Variants in MYO9A observed in about 807,000 individuals in gnomAD.
MYO9A encodes the protein myosin IXA, also known as unconventional myosin-IXa.
A neutral mutation model predicts 293.3 loss-of-function variants in MYO9A; 103 were observed. That is an observed-to-expected ratio of 0.35 (90% CI 0.30 to 0.41). MYO9A has a LOEUF of 0.41. MYO9A is among the 10% of genes least tolerant of loss of function. The pLI is 1.00. For synonymous variants in MYO9A, 1,001 were observed against 1,035.7 expected (o/e 0.97, Z 0.64); for missense variants, 2,685 against 3,033.0 (o/e 0.89, Z 2.69).
intron 39 of MYO9A, among the ~76,000 whole-genome samples, chr15:71,839,933 G>T (rs893649522): frequency 2.6e-5 from 4 of 152,076 alleles, no homozygotes; most frequent in Admixed American, 1.3e-4. Flanking sequence ...GACCTCATTT[G>T]TAAGTAGTTA....
intron 2 of MYO9A, among the ~76,000 whole-genome samples, chr15:72,034,373 A>G (rs1241184347): frequency 6.6e-6 from 1 of 152,196 alleles, no homozygotes; most frequent in African/African-American, 2.4e-5. Flanking sequence ...GAGAAATTAC[A>G]TTTTACTATG....
At chr15:71,916,251 T>C (rs2058009092) in intron 19 of MYO9A, 119 bp downstream of exon 19, 1 of 1,254,262 alleles carries the variant, frequency 8.0e-7, no homozygotes, top group Non-Finnish European at 1.1e-6. Context: ...CAGTAATATA[T>C]GGCTTTTTAG....
chr15:71,913,053 T>C (rs2057908208), intron 19 of MYO9A, among the ~76,000 whole-genome samples: 1 of 152,142 alleles, frequency 6.6e-6, no homozygotes, highest in South Asian at 2.1e-4. Context: ...TTGCTCATTA[T>C]TTCTTCAAAT....
rs540344768 is a variant in MYO9A, at chr15:71,875,952, T to G, written c.5932-114A>C. ...CAACAGGTAACACAATAGTCATTTC[T>G]TTATTCTCCAAGAGGAACTGTGCAG... is the stretch of plus-strand genomic sequence containing the variant. On this transcript the variant is annotated intron_variant, in intron 31 of 41. Coordinates refer to ENST00000356056, the MANE Select transcript of MYO9A (RefSeq NM_006901.4). 10 of 528,004 alleles carry G rather than the reference T, an allele frequency of 1.9e-5. No homozygotes were observed. The Admixed American group carries it at 4.4e-4, about 23-fold the overall frequency. 32.7% of individuals were successfully genotyped at this position (528,004 alleles called of 1,614,324 possible). A position where few individuals can be genotyped will look rare whatever the true frequency, so the allele number is the denominator to read the frequency against.
chr15:72,000,913 G>A (rs1466018098), intron 8 of MYO9A, among the ~76,000 whole-genome samples: 1 of 152,162 alleles, frequency 6.6e-6, no homozygotes, highest in Non-Finnish European at 1.5e-5. Context: ...TTACAATTTT[G>A]TATGATTAGA....
At chr15:72,003,010 C>G (rs1302596938) in intron 8 of MYO9A, among the ~76,000 whole-genome samples, 1 of 152,194 alleles carries the variant, frequency 6.6e-6, no homozygotes, top group Non-Finnish European at 1.5e-5. Context: ...TGGCTCATGC[C>G]TGTAATCCCA....
intron 13 of MYO9A, among the ~76,000 whole-genome samples, chr15:71,962,714 A>C (rs2075775041): frequency 6.6e-6 from 1 of 152,216 alleles, no homozygotes; most frequent in African/African-American, 2.4e-5. Context: ...AAGGTAAAGC[A>C]GCTTGCCAAA....
At chr15:71,906,758 C>CTTTTTTTTTTTTTTCTTTTCTTTTT (rs2057659301) in intron 19 of MYO9A, among the ~76,000 whole-genome samples, 5 of 61,012 alleles carry the variant, frequency 8.2e-5, no homozygotes, top group African/African-American at 2.5e-4. Context: ...CCATTTCTTT[C>CTTTTTTTTTTTTTTCTTTTCTTTTT]TTTTTTTTTT....
At chr15:71,917,344 G>A (rs768587454) in intron 18 of MYO9A, among the ~76,000 whole-genome samples, 1 of 152,040 alleles carries the variant, frequency 6.6e-6, no homozygotes, top group Non-Finnish European at 1.5e-5. Flanking sequence ...ACATCAGCCT[G>A]GCTAACACAG....
chr15:72,117,730 C>G lies in MYO9A; in HGVS notation c.-122G>C. 1 of 397,578 alleles carries G rather than the reference C, an allele frequency of 2.5e-6. No individual in the cohort carries two copies. The highest frequency in any genetic ancestry group is 4.4e-6 in the Non-Finnish European group (1 of 225,166). The allele number at this position is 397,578 out of a possible 1,614,324, so 24.6% of individuals were successfully genotyped here. A position where few individuals can be genotyped will look rare whatever the true frequency, so the allele number is the denominator to read the frequency against. ...GCAGCCCCCTCCTCTTCGACGGAAG[C>G]TGCCTTCCACCCTCCGCCCCAGGGT... On this transcript the variant is annotated 5_prime_UTR_variant, in exon 1 of 42. Transcript: ENST00000356056.
At chr15:71,852,720 T>A (rs1259078795) in intron 35 of MYO9A, among the ~76,000 whole-genome samples, 2 of 152,212 alleles carry the variant, frequency 1.3e-5, no homozygotes, top group Non-Finnish European at 2.9e-5. Context: ...AATTCCATGC[T>A]TTGGAACTGT....
Position 71,826,502 on chromosome 15 carries a change from A to G in MYO9A, c.*78T>C. The G allele has an allele frequency of 7.5e-7, 1 of 1,332,404 alleles. No individual in the cohort carries two copies. 82.5% of individuals were successfully genotyped at this position (1,332,404 alleles called of 1,614,324 possible). A position where few individuals can be genotyped will look rare whatever the true frequency, so the allele number is the denominator to read the frequency against. ...CCACAATTAGGATTGACTATTGTGG[A>G]CGAGGTGATGAAACGCAGCCCCAAA... On this transcript the variant is annotated 3_prime_UTR_variant, in exon 42 of 42. Coordinates refer to ENST00000356056, the MANE Select transcript of MYO9A (RefSeq NM_006901.4).
chr15:72,084,823 G>C (rs1271192667), intron 1 of MYO9A, among the ~76,000 whole-genome samples: 2 of 152,128 alleles, frequency 1.3e-5, no homozygotes, highest in Non-Finnish European at 1.5e-5. Flanking sequence ...TCTGCTGAGA[G>C]GTCCACCATT....
chr15:72,025,833 A>C (rs2077649886), intron 4 of MYO9A, among the ~76,000 whole-genome samples: 1 of 152,236 alleles, frequency 6.6e-6, no homozygotes, highest in Non-Finnish European at 1.5e-5. Flanking sequence ...CACTCCAGTC[A>C]ACATAAGGAG....
At chr15:71,904,841 C>T (rs536294413) in intron 20 of MYO9A, 85 bp downstream of exon 20, 2 of 869,608 alleles carry the variant, frequency 2.3e-6, no homozygotes, top group East Asian at 2.6e-5. Context: ...TTAGTGCTTC[C>T]CCTCCACTTA....
chr15:72,064,829 C>A (rs1596493822), intron 1 of MYO9A, among the ~76,000 whole-genome samples: 1 of 152,156 alleles, frequency 6.6e-6, no homozygotes, highest in East Asian at 1.9e-4. Context: ...AAACAAAATA[C>A]TAGTAGGTTC....
At chr15:71,978,858 C>T (rs550867976) in intron 11 of MYO9A, among the ~76,000 whole-genome samples, 80 of 151,484 alleles carry the variant, frequency 5.3e-4, no homozygotes, top group Non-Finnish European at 9.0e-4. Flanking sequence ...TACTTAAAAT[C>T]ATCTTACAAA....
At chr15:71,876,057 CT>C (rs1348415156) in intron 31 of MYO9A, among the ~76,000 whole-genome samples, 1 of 152,000 alleles carries the variant, frequency 6.6e-6, no homozygotes, top group Non-Finnish European at 1.5e-5. Flanking sequence ...TGGAAGGATA[CT>C]TTAGAGATTA....
intron 11 of MYO9A, among the ~76,000 whole-genome samples, chr15:71,983,699 T>C (rs989207295): frequency 5.3e-5 from 8 of 151,942 alleles, no homozygotes; most frequent in African/African-American, 1.9e-4. Flanking sequence ...GCCAGGCTGG[T>C]CTCACACTCC....
Sources: allele counts gnomAD v4.1 joint callset (sites outside exome capture counted in the v4.1 genomes callset), GRCh38; gene constraint gnomAD v4.1.1; transcripts MANE v1.5; gene names NCBI Gene and HGNC (gene_info 2026-07-23, HGNC 2026-07-21).